SLC35F2: variants seen among roughly 807,000 people sequenced by gnomAD.
The protein encoded by SLC35F2 is queuine/queuosine transporter SLC35F2.
In SLC35F2, 25 loss-of-function variants were observed where a neutral mutation model predicts 38.1. That is an observed-to-expected ratio of 0.66 (90% CI 0.48 to 0.92). The LOEUF is 0.92. Among genes scored for constraint, SLC35F2 ranks in the 40% least tolerant of loss-of-function variants. The pLI is 0.00. For missense variants in SLC35F2, 409 were observed against 452.9 expected (o/e 0.90, Z 0.88); for synonymous variants, 173 against 181.7 (o/e 0.95, Z 0.38).
chr11:107,830,030 G>C (rs1859811747), intron 1 of SLC35F2, among the ~76,000 whole-genome samples: 2 of 152,028 alleles, frequency 1.3e-5, no homozygotes, highest in Admixed American at 1.3e-4. Flanking sequence ...GGAAGGCCAA[G>C]GCGGGAGGAT....
chr11:107,818,030 C>A (rs1859603586), intron 1 of SLC35F2, among the ~76,000 whole-genome samples: 1 of 132,600 alleles, frequency 7.5e-6, no homozygotes, highest in Admixed American at 9.0e-5. Context: ...GCACTCCAGC[C>A]TGAGTGACAG....
intron 2 of SLC35F2, 52 bp from the exon 3 acceptor site, chr11:107,811,846 C>G: frequency 6.7e-7 from 1 of 1,503,084 alleles, no homozygotes; most frequent in Non-Finnish European, 9.1e-7. Flanking sequence ...TGATACCATA[C>G]ATGTTGATTT....
At position 107,819,756 on chromosome 11, in the gene SLC35F2, C is replaced by T. The variant is rs1030749886; in HGVS notation, c.111-3791G>A. On this transcript the variant is annotated intron_variant, in intron 1 of 7. Transcript: ENST00000525815. ...AGGTACCTGGCTGAGGAAATGGTTC[C>T]GATTTCCCTATATTTCATTGTTCAA... Among the ~76,000 whole-genome samples, 23 of 152,160 alleles carry T rather than the reference C, an allele frequency of 1.5e-4. 1 individual carries two copies. The highest frequency in any genetic ancestry group is 4.8e-4 in the African/African-American group (20 of 41,438).
At chr11:107,795,424 T>C (rs544507891) in intron 7 of SLC35F2, among the ~76,000 whole-genome samples, 1 of 152,268 alleles carries the variant, frequency 6.6e-6, no homozygotes, top group Admixed American at 6.5e-5. Flanking sequence ...ATTTTATGGC[T>C]AACATCTCAA....
At chr11:107,828,430 T>C (rs1591199637) in intron 1 of SLC35F2, among the ~76,000 whole-genome samples, 1 of 133,174 alleles carries the variant, frequency 7.5e-6, no homozygotes, top group East Asian at 2.1e-4. Flanking sequence ...CGAAACTCCA[T>C]CTCAAAAAAA....
chr11:107,805,700 G>A lies in SLC35F2; in HGVS notation c.575-185C>T, dbSNP rs184742207. On this transcript the variant is annotated intron_variant, in intron 4 of 7. Transcript: ENST00000525815. ...TGTGTGTGTGTATGTGTGTGTTTGA[G>A]ACAGTCTTGCTCTGTTGCTCAGGCT... 5 of 981,208 alleles carry A rather than the reference G, an allele frequency of 5.1e-6. No homozygotes were observed. The East Asian group carries it at 5.7e-4, about 112-fold the overall frequency. The allele number at this position is 981,208 out of a possible 1,614,324, so 60.8% of individuals were successfully genotyped here. A position where few individuals can be genotyped will look rare whatever the true frequency, so the allele number is the denominator to read the frequency against.
At chr11:107,816,831 G>A (rs537007145) in intron 1 of SLC35F2, among the ~76,000 whole-genome samples, 1 of 152,284 alleles carries the variant, frequency 6.6e-6, no homozygotes, top group East Asian at 1.9e-4. Context: ...CTTGGAGCTG[G>A]AAGAAAGGAT....
At chr11:107,814,525 G>C (rs1369651584) in intron 2 of SLC35F2, among the ~76,000 whole-genome samples, 1 of 151,890 alleles carries the variant, frequency 6.6e-6, no homozygotes, top group African/African-American at 2.4e-5. Flanking sequence ...GGAATGAATA[G>C]GTGGAGCAGA....
At chr11:107,844,065 C>G (rs1218340131) in intron 1 of SLC35F2, among the ~76,000 whole-genome samples, 1 of 151,764 alleles carries the variant, frequency 6.6e-6, no homozygotes, top group Non-Finnish European at 1.5e-5. Context: ...TTTGCCATCC[C>G]TAGAGATACA....
chr11:107,827,799 T>C (rs1859778310), intron 1 of SLC35F2, among the ~76,000 whole-genome samples: 2 of 149,872 alleles, frequency 1.3e-5, no homozygotes, highest in African/African-American at 2.5e-5. Context: ...TAATCCCAAC[T>C]ATCCAGGAAG....
chr11:107,846,964 A>G (rs1860112270), intron 1 of SLC35F2, among the ~76,000 whole-genome samples: 1 of 152,202 alleles, frequency 6.6e-6, no homozygotes, highest in African/African-American at 2.4e-5. Context: ...AATGCTTAAA[A>G]GAATGAGTTT....
chr11:107,792,446 A>G lies in SLC35F2; in HGVS notation c.*169T>C, dbSNP rs139960222. 1.4e-3 allele frequency: 973 copies of G among 710,324 alleles called. 6 individuals carry two copies. In the African/African-American group the frequency reaches 0.016, roughly 12 times the overall value. The allele number at this position is 710,324 out of a possible 1,614,324, so 44.0% of individuals were successfully genotyped here. On this transcript the variant is annotated 3_prime_UTR_variant, in exon 8 of 8. Coordinates refer to ENST00000525815, the MANE Select transcript of SLC35F2 (RefSeq NM_017515.5). The stretch of plus-strand genomic sequence containing the variant: ...AGCTTGGTTTCTGCTCTATTTTGGT[A>G]TTTCTACTTTTGAACTTTGTTCAGT...
chr11:107,850,335 A>C (rs1333895480), intron 1 of SLC35F2, among the ~76,000 whole-genome samples: 1 of 152,068 alleles, frequency 6.6e-6, no homozygotes, highest in African/African-American at 2.4e-5. Context: ...ACCACAGAAT[A>C]CTCTGTAGCA....
chr11:107,812,798 A>G (rs902145338), intron 2 of SLC35F2, among the ~76,000 whole-genome samples: 9 of 152,208 alleles, frequency 5.9e-5, no homozygotes, highest in Non-Finnish European at 1.2e-4. Flanking sequence ...AGGAAATGAA[A>G]TGTTTTCCTA....
At chr11:107,821,430 G>A in intron 1 of SLC35F2, 1 of 985,412 alleles carries the variant, frequency 1.0e-6, no homozygotes, top group Non-Finnish European at 1.2e-6. Flanking sequence ...TATAATAGAG[G>A]AGTAGGAGAG....
chr11:107,833,858 A>G (rs1859888991), intron 1 of SLC35F2, among the ~76,000 whole-genome samples: 1 of 152,262 alleles, frequency 6.6e-6, no homozygotes. Flanking sequence ...ATTCTACAGA[A>G]GTAAAAACAT....
chr11:107,848,603 A>G (rs7952723), intron 1 of SLC35F2, among the ~76,000 whole-genome samples: 67,008 of 152,036 alleles, frequency 0.44, 14,877 homozygotes, highest in Admixed American at 0.54. Context: ...TATGAACCAA[A>G]GGACACCAAA....
At chr11:107,802,242 A>AAAATAAAT (rs1555082409) in intron 7 of SLC35F2, among the ~76,000 whole-genome samples, 3 of 147,978 alleles carry the variant, frequency 2.0e-5, no homozygotes, top group Admixed American at 1.3e-4. Flanking sequence ...CATCTCAAAA[A>AAAATAAAT]AAATAAATAA....
rs1860333184 is a variant in SLC35F2, at chr11:107,858,498, T to C, written c.110+160A>G. On this transcript the variant is annotated intron_variant, in intron 1 of 7. Coordinates refer to ENST00000525815, the MANE Select transcript of SLC35F2 (RefSeq NM_017515.5). ...TCCCGACGCCAGGTGAAGCGCACCA[T>C]ACCTGGTGTGCGTGTTGAGCCCCGA... 2 of 539,536 alleles carry C rather than the reference T, an allele frequency of 3.7e-6. 1 individual carries two copies. Among genetic ancestry groups the C allele is most frequent in the South Asian group, 2.1e-4 (2 of 9,684 alleles). 33.4% of individuals were successfully genotyped at this position (539,536 alleles called of 1,614,324 possible). A position where few individuals can be genotyped will look rare whatever the true frequency, so the allele number is the denominator to read the frequency against.
Sources: allele counts gnomAD v4.1 joint callset (sites outside exome capture counted in the v4.1 genomes callset), GRCh38; gene constraint gnomAD v4.1.1; transcripts MANE v1.5; gene names NCBI Gene and HGNC (gene_info 2026-07-23, HGNC 2026-07-21).